The following GALNT18 variants were observed in gnomAD, a reference collection of about 807,000 sequenced individuals.
The protein encoded by GALNT18 is polypeptide N-acetylgalactosaminyltransferase 18.
In GALNT18, 44 loss-of-function variants were observed where a neutral mutation model predicts 69.5. The ratio of observed to expected loss-of-function variants is 0.63; its 90% CI spans 0.50 to 0.81. The LOEUF (loss-of-function observed/expected upper bound fraction) is 0.81, where lower values mean the gene tolerates loss of function less well. GALNT18 is among the 40% of genes least tolerant of loss of function. The pLI, the probability that GALNT18 is intolerant of heterozygous loss-of-function variation, is 0.00. For synonymous variants in GALNT18, 364 were observed against 318.2 expected, an observed-to-expected ratio of 1.14 and a Z score of -1.53; for missense variants, 715 against 810.0, an observed-to-expected ratio of 0.88 and a Z score of 1.42.
At chr11:11,517,178 T>C (rs1857298359) in intron 1 of GALNT18, among the ~76,000 whole-genome samples, 1 of 152,180 alleles carries the variant, frequency 6.6e-6, no homozygotes, top group African/African-American at 2.4e-5. Flanking sequence ...AAAAAACAAA[T>C]TCTTTTGTTT....
chr11:11,479,162 C>T (rs1856469465), intron 1 of GALNT18, among the ~76,000 whole-genome samples: 1 of 152,174 alleles, frequency 6.6e-6, no homozygotes, highest in Non-Finnish European at 1.5e-5. Flanking sequence ...TTGTATAACC[C>T]ATTCCTTAAA....
In GALNT18 at chr11:11,620,332, CGTGT is replaced by C. The variant is rs1292077640; in HGVS notation, c.235+1023_235+1026del. Among the ~76,000 whole-genome samples the C allele has an allele frequency of 3.6e-4, 32 of 88,432 alleles. No homozygotes were observed. Among genetic ancestry groups the C allele is most frequent in the East Asian group, 1.5e-3 (3 of 1,948 alleles). 58.0% of individuals were successfully genotyped at this position (88,432 alleles called of 152,430 possible). A position where few individuals can be genotyped will look rare whatever the true frequency, so the allele number is the denominator to read the frequency against. ...GTGGACGTGAGCGCGCGCGCGCGCGCGTGTGTGTGTGTGTGTGCACACCCGGCAC... is the reference window on the plus strand; with the variant it reads ...GTGGACGTGAGCGCGCGCGCGCGCGCGTGTGTGTGTGTGCACACCCGGCAC... On this transcript the variant is annotated intron_variant, in intron 1 of 10. Coordinates refer to ENST00000227756, the MANE Select transcript of GALNT18 (RefSeq NM_198516.3). This position sits in a 1 kb window ranked among gnomAD's most constrained non-coding sequence, Gnocchi z 6.9.
At chr11:11,504,777 T>TA (rs1358777414) in intron 1 of GALNT18, among the ~76,000 whole-genome samples, 2 of 138,074 alleles carry the variant, frequency 1.4e-5, no homozygotes, top group Non-Finnish European at 3.2e-5. Flanking sequence ...ATATATATAT[T>TA]GGGTTATGGA....
Position 11,621,489 on chromosome 11 carries a change from G to A in GALNT18, c.105C>T (p.Tyr35=), listed in dbSNP as rs1266650027. 1.9e-6 allele frequency: 3 copies of A among 1,614,120 alleles called. No homozygotes were observed. The highest frequency in any genetic ancestry group is 4.5e-5 in the East Asian group (2 of 44,864). ...GCCCCCGCACATACACGCTGGCGAT[G>A]TAGTTGGTGACCCAGCCCACGTAGA... ...CLLYVGWVTN[Y]IASVYVRGQE... is the part of the protein sequence containing the mutation. The change falls in exon 1 of 11, where the codon TAC becomes TAT. Residue 35 remains tyrosine (Y), a synonymous_variant. Transcript: ENST00000227756. This position sits in a 1 kb window ranked among gnomAD's most constrained non-coding sequence, Gnocchi z 9.3.
At chr11:11,334,413 G>A (rs1850074037) in intron 7 of GALNT18, among the ~76,000 whole-genome samples, 2 of 151,920 alleles carry the variant, frequency 1.3e-5, no homozygotes, top group Non-Finnish European at 2.9e-5. Flanking sequence ...CATGGTGGCG[G>A]GCGCCTGTAG....
intron 8 of GALNT18, 123 bp from the exon 9 acceptor site, chr11:11,327,304 C>G: frequency 1.4e-6 from 1 of 737,130 alleles, no homozygotes; most frequent in South Asian, 1.7e-5. Context: ...GCCCAAGGCC[C>G]TTGAACACTA....
chr11:11,593,180 T>C (rs1859401587), intron 1 of GALNT18, among the ~76,000 whole-genome samples: 1 of 152,162 alleles, frequency 6.6e-6, no homozygotes, highest in South Asian at 2.1e-4. Context: ...CCCGCTTCGT[T>C]TTAAGTCTGT....
intron 6 of GALNT18, among the ~76,000 whole-genome samples, chr11:11,367,022 A>G (rs1355374653): frequency 6.6e-6 from 1 of 152,236 alleles, no homozygotes; most frequent in East Asian, 1.9e-4. Context: ...GGCTAGCCAG[A>G]TAAGGAAACC....
intron 1 of GALNT18, among the ~76,000 whole-genome samples, chr11:11,560,213 GGA>G (rs1565012944): frequency 7.1e-4 from 77 of 108,162 alleles, no homozygotes; most frequent in Non-Finnish European, 9.4e-4. Context: ...AGAATAGAAT[GGA>G]ATATGAAGGG....
At chr11:11,481,884 C>T (rs778735995) in intron 1 of GALNT18, among the ~76,000 whole-genome samples, 2 of 152,214 alleles carry the variant, frequency 1.3e-5, no homozygotes, top group African/African-American at 4.8e-5. Context: ...CAGTGTCAGG[C>T]CCCATAGTAT....
intron 9 of GALNT18, among the ~76,000 whole-genome samples, chr11:11,317,657 T>G (rs1849779337): frequency 6.6e-6 from 1 of 152,240 alleles, no homozygotes; most frequent in African/African-American, 2.4e-5. Context: ...ATGCATAGTT[T>G]GTGAATATTT....
intron 3 of GALNT18, among the ~76,000 whole-genome samples, chr11:11,423,415 G>A (rs186550837): frequency 2.0e-5 from 3 of 152,298 alleles, no homozygotes; most frequent in East Asian, 3.9e-4. Flanking sequence ...GAGAGAATAG[G>A]AAGCTGCCTC....
chr11:11,443,131 C>T (rs1051111092), intron 2 of GALNT18, among the ~76,000 whole-genome samples: 2 of 152,162 alleles, frequency 1.3e-5, no homozygotes, highest in African/African-American at 2.4e-5. Context: ...AGTCTGAGGC[C>T]GAAGCCGCAG....
rs532476287 is a variant in GALNT18 at position 11,619,238 on chromosome 11, A to G, written c.235+2121T>C. ...CTGTCGAGATTGTGGTTATTTCTGA[A>G]TACCCACAGGGGTCATTGCACGTGT... On this transcript the variant is annotated intron_variant, in intron 1 of 10. Coordinates refer to ENST00000227756, the MANE Select transcript of GALNT18 (RefSeq NM_198516.3). This position sits in a 1 kb window ranked among gnomAD's most constrained non-coding sequence, Gnocchi z 4.9. Among the ~76,000 whole-genome samples the G allele has an allele frequency of 1.4e-4, 22 of 152,204 alleles. No individual in the cohort carries two copies. The highest frequency in any genetic ancestry group is 4.8e-4 in the African/African-American group (20 of 41,506).
At position 11,372,285 on chromosome 11, in the gene GALNT18, C is replaced by A. The variant is rs1489024872; in HGVS notation, c.1092+230G>T. 6.6e-6 allele frequency among the ~76,000 whole-genome samples: 1 copy of A among 152,140 alleles called. No homozygotes were observed. The highest frequency in any genetic ancestry group is 2.4e-5 in the African/African-American group (1 of 41,434). ...CTGTTCCCTTGAGTTGGCAGCTTAA[C>A]CTCTCCCATGCTCCCTCCCCCAGCC... On this transcript the variant is annotated intron_variant, in intron 6 of 10. Coordinates refer to ENST00000227756, the MANE Select transcript of GALNT18 (RefSeq NM_198516.3). The surrounding 1 kb of genome is among the most constrained non-coding windows in gnomAD (Gnocchi z 4.9).
chr11:11,278,093 C>T (rs1447810783), intron 10 of GALNT18, among the ~76,000 whole-genome samples: 2 of 151,598 alleles, frequency 1.3e-5, no homozygotes, highest in Admixed American at 1.3e-4. Context: ...CTAGTATTGA[C>T]AGTAGGGTGT....
intron 1 of GALNT18, among the ~76,000 whole-genome samples, chr11:11,549,429 T>C (rs1036757759): frequency 1.1e-4 from 17 of 152,260 alleles, no homozygotes; most frequent in African/African-American, 4.1e-4. Flanking sequence ...AATCTTCATC[T>C]ATATCAGTGC....
chr11:11,431,040 A>G (rs968377918), intron 3 of GALNT18, among the ~76,000 whole-genome samples: 1 of 152,190 alleles, frequency 6.6e-6, no homozygotes, highest in African/African-American at 2.4e-5. Flanking sequence ...CTCAGACTCA[A>G]TATCAGCTTT....
rs1392209428 is a variant in GALNT18 at position 11,617,270 on chromosome 11, C to G, written c.235+4089G>C. On this transcript the variant is annotated intron_variant, in intron 1 of 10. Coordinates refer to ENST00000227756, the MANE Select transcript of GALNT18 (RefSeq NM_198516.3). The surrounding 1 kb of genome is among the most constrained non-coding windows in gnomAD (Gnocchi z 4.7). ...TTTAACCAATTTTTCTATTAACTAA[C>G]TCAAGCCCTGACCACGTTGACTAAA... 1.3e-5 allele frequency among the ~76,000 whole-genome samples: 2 copies of G among 152,206 alleles called. No homozygotes were observed. Among genetic ancestry groups the G allele is most frequent in the Non-Finnish European group, 2.9e-5 (2 of 68,038 alleles).
Sources: gnomAD v4.1 joint callset for allele counts (sites outside exome capture counted in the v4.1 genomes callset) on GRCh38, gnomAD v4.1.1 for gene constraint, Gnocchi (gnomAD v3.1) non-coding constraint, MANE v1.5 for transcripts, NCBI Gene and HGNC (gene_info 2026-07-23, HGNC 2026-07-21) for gene names.